Variants in HCN1 observed in about 807,000 individuals in gnomAD.
HCN1 encodes hyperpolarization activated cyclic nucleotide gated potassium channel 1, also known as potassium/sodium hyperpolarization-activated cyclic nucleotide-gated channel 1.
A neutral mutation model predicts 78.9 loss-of-function variants in HCN1; 13 were observed. The observed-to-expected ratio is 0.16, with a 90% CI of 0.11 to 0.26. The LOEUF is 0.26. Ranked by LOEUF, HCN1 falls within the 10% of genes least tolerant of loss-of-function variation. HCN1 has a pLI of 1.00. For missense variants in HCN1, 810 were observed against 1,154.3 expected (o/e 0.70, Z 4.32); for synonymous variants, 552 against 455.5 (o/e 1.21, Z -2.70).
chr5:45,524,296 A>G (rs1327006100), intron 2 of HCN1, among the ~76,000 whole-genome samples: 3 of 152,114 alleles, frequency 2.0e-5, no homozygotes. Flanking sequence ...AGGTAGCGTG[A>G]TGCCTCCCGC....
chr5:45,575,747 C>T (rs149099962), intron 2 of HCN1: 16 of 152,202 alleles, frequency 1.1e-4, no homozygotes, highest in African/African-American at 2.4e-4. Flanking sequence ...TGCTCATTGA[C>T]AATGCACCAA....
At chr5:45,564,487 C>T (rs1743668489) in intron 2 of HCN1, among the ~76,000 whole-genome samples, 1 of 152,050 alleles carries the variant, frequency 6.6e-6, no homozygotes, top group Admixed American at 6.6e-5. Context: ...CTGCCCGCCT[C>T]GGCCTCCCAA....
At chr5:45,303,979 G>T (rs562245787) in intron 5 of HCN1, 140 bp from the exon 6 acceptor site, 6 of 786,194 alleles carry the variant, frequency 7.6e-6, no homozygotes, top group African/African-American at 5.2e-5. Context: ...CTAGTAATGC[G>T]CATCATATTA....
At chr5:45,387,840 A>G (rs1289216522) in intron 4 of HCN1, among the ~76,000 whole-genome samples, 1 of 152,178 alleles carries the variant, frequency 6.6e-6, no homozygotes, top group Non-Finnish European at 1.5e-5. Flanking sequence ...ATACATACCT[A>G]TGATAAAGTA....
intron 2 of HCN1, among the ~76,000 whole-genome samples, chr5:45,563,613 CAT>C (rs1257010710): frequency 6.6e-6 from 1 of 152,016 alleles, no homozygotes; most frequent in Non-Finnish European, 1.5e-5. Context: ...TAAGTATTCT[CAT>C]ATCAGGAAAT....
chr5:45,341,991 A>T (rs1354601649), intron 5 of HCN1, among the ~76,000 whole-genome samples: 1 of 152,114 alleles, frequency 6.6e-6, no homozygotes, highest in African/African-American at 2.4e-5. Flanking sequence ...ATATTAAAAA[A>T]ATCTGTAAAG....
At chr5:45,388,266 T>TAGAGTTGTTG (rs1213546723) in intron 4 of HCN1, among the ~76,000 whole-genome samples, 2 of 152,272 alleles carry the variant, frequency 1.3e-5, no homozygotes, top group East Asian at 3.9e-4. Flanking sequence ...TCCCTATGGA[T>TAGAGTTGTTG]AGAGTTGTTG....
chr5:45,374,809 C>T (rs371929150), intron 4 of HCN1, among the ~76,000 whole-genome samples: 1 of 144,884 alleles, frequency 6.9e-6, no homozygotes, highest in East Asian at 2.0e-4. Flanking sequence ...TATATAAAAC[C>T]ATATATATGT....
chr5:45,590,397 C>G (rs1744333833), intron 2 of HCN1, among the ~76,000 whole-genome samples: 1 of 152,162 alleles, frequency 6.6e-6, no homozygotes, highest in South Asian at 2.1e-4. Context: ...CCTCCAACAT[C>G]AACATCCTAT....
intron 2 of HCN1, among the ~76,000 whole-genome samples, chr5:45,521,188 C>G (rs1397888044): frequency 6.6e-6 from 1 of 151,656 alleles, no homozygotes; most frequent in Non-Finnish European, 1.5e-5. Flanking sequence ...GAGAGTGAAA[C>G]CAACCCTCTT....
At chr5:45,443,968 T>G (rs1740734057) in intron 3 of HCN1, among the ~76,000 whole-genome samples, 1 of 152,118 alleles carries the variant, frequency 6.6e-6, no homozygotes. Flanking sequence ...AATACAAAGT[T>G]ATGAACCCAA....
chr5:45,370,213 T>A (rs1186877512), intron 4 of HCN1, among the ~76,000 whole-genome samples: 1 of 151,924 alleles, frequency 6.6e-6, no homozygotes, highest in African/African-American at 2.4e-5. Flanking sequence ...AAAACTACAA[T>A]TACCAAATTT....
chr5:45,296,061 C>T (rs1745486320), intron 6 of HCN1, among the ~76,000 whole-genome samples: 1 of 151,924 alleles, frequency 6.6e-6, no homozygotes, highest in African/African-American at 2.4e-5. Flanking sequence ...CCTTGAGGTC[C>T]ACCAGTAGCC....
chr5:45,279,594 C>G (rs1318243382), intron 6 of HCN1, among the ~76,000 whole-genome samples: 1 of 152,044 alleles, frequency 6.6e-6, no homozygotes, highest in African/African-American at 2.4e-5. Context: ...GAGTATAAAT[C>G]TAACGAATTA....
chr5:45,358,269 T>C (rs1245949457), intron 4 of HCN1, among the ~76,000 whole-genome samples: 1 of 152,102 alleles, frequency 6.6e-6, no homozygotes, highest in Admixed American at 6.6e-5. Context: ...TTGAAGGGAA[T>C]AGAAGGCAAT....
At chr5:45,652,215 G>T (rs1745688613) in intron 1 of HCN1, among the ~76,000 whole-genome samples, 1 of 151,620 alleles carries the variant, frequency 6.6e-6, no homozygotes, top group East Asian at 1.9e-4. Context: ...TTTTTTTATT[G>T]TTTGTTAACC....
At chr5:45,328,474 A>T (rs1746278676) in intron 5 of HCN1, among the ~76,000 whole-genome samples, 2 of 151,606 alleles carry the variant, frequency 1.3e-5, no homozygotes, top group South Asian at 4.1e-4. Context: ...CTGTATCTAA[A>T]TACAAGCTGA....
chr5:45,585,842 T>C (rs1744206039), intron 2 of HCN1, among the ~76,000 whole-genome samples: 1 of 152,080 alleles, frequency 6.6e-6, no homozygotes, highest in African/African-American at 2.4e-5. Flanking sequence ...GAACAGCGGA[T>C]ATTGGTGAAC....
intron 2 of HCN1, among the ~76,000 whole-genome samples, chr5:45,637,786 T>G (rs1440136133): frequency 6.6e-6 from 1 of 152,132 alleles, no homozygotes; most frequent in South Asian, 2.1e-4. Context: ...AGTTAAAGAA[T>G]ATGAGCAAAG....
Sources: allele counts gnomAD v4.1 joint callset (sites outside exome capture counted in the v4.1 genomes callset), GRCh38; gene constraint gnomAD v4.1.1; transcripts MANE v1.5; gene names NCBI Gene and HGNC (gene_info 2026-07-23, HGNC 2026-07-21).